The following PTPRR variants were observed in gnomAD, a reference collection of about 807,000 sequenced individuals.
The protein encoded by PTPRR is protein tyrosine phosphatase receptor type R, also known as receptor-type tyrosine-protein phosphatase R.
Under a neutral mutation model 77.2 loss-of-function variants are expected in PTPRR, and 38 were observed. The observed-to-expected ratio is 0.49, with a 90% CI of 0.38 to 0.65. The LOEUF is 0.65. Among genes scored for constraint, PTPRR ranks in the 30% least tolerant of loss-of-function variants. The pLI, the probability that PTPRR is intolerant of heterozygous loss-of-function variation, is 0.00. For synonymous variants in PTPRR, 299 were observed against 283.1 expected (o/e 1.06, Z -0.57); for missense variants, 744 against 799.2 (o/e 0.93, Z 0.83).
intron 2 of PTPRR, among the ~76,000 whole-genome samples, chr12:70,836,534 C>A (rs367628313): frequency 4.3e-4 from 65 of 152,088 alleles, no homozygotes; most frequent in African/African-American, 1.6e-3. Flanking sequence ...CATGATCAAC[C>A]ATACCCCATG....
chr12:70,778,087 T>A (rs894330696), intron 2 of PTPRR, among the ~76,000 whole-genome samples: 1 of 152,244 alleles, frequency 6.6e-6, no homozygotes, highest in Admixed American at 6.5e-5. Context: ...TTCTTTCAAG[T>A]GAGGCTCATG....
chr12:70,693,884 T>C (rs374504950), intron 8 of PTPRR, among the ~76,000 whole-genome samples: 1 of 152,166 alleles, frequency 6.6e-6, no homozygotes, highest in Non-Finnish European at 1.5e-5. Flanking sequence ...AATGGATTCA[T>C]CTTCAGTTAG....
intron 2 of PTPRR, among the ~76,000 whole-genome samples, chr12:70,765,701 C>T (rs1273373319): frequency 6.6e-6 from 1 of 152,232 alleles, no homozygotes; most frequent in Non-Finnish European, 1.5e-5. Context: ...AACGGGTAGA[C>T]TGCCTCCTCA....
chr12:70,847,010 T>C (rs1447986798), intron 2 of PTPRR, among the ~76,000 whole-genome samples: 1 of 152,088 alleles, frequency 6.6e-6, no homozygotes, highest in African/African-American at 2.4e-5. Context: ...TTTCCTGGGG[T>C]GTCCAGGCAC....
chr12:70,894,917 AC>A (rs1485670568), intron 1 of PTPRR, among the ~76,000 whole-genome samples: 1 of 151,790 alleles, frequency 6.6e-6, no homozygotes, highest in Non-Finnish European at 1.5e-5. Flanking sequence ...GGAACTGAAG[AC>A]ATGATGATTA....
At chr12:70,766,594 G>T (rs1890830020) in intron 2 of PTPRR, among the ~76,000 whole-genome samples, 1 of 151,762 alleles carries the variant, frequency 6.6e-6, no homozygotes, top group Non-Finnish European at 1.5e-5. Context: ...CACTCTGCAG[G>T]ATATTATCCA....
rs184080191 is a variant in PTPRR at position 70,712,796 on chromosome 12, G to A, written c.1008-11473C>T. On this transcript the variant is annotated intron_variant, in intron 6 of 13. Transcript: ENST00000283228. Reference sequence around the variant, plus strand: ...AAACAAAATGAAAAAATGCCCAGAAGCAATTCCCAACCAATTTTATATAAT... The same window carrying A: ...AAACAAAATGAAAAAATGCCCAGAAACAATTCCCAACCAATTTTATATAAT... 7.2e-5 allele frequency among the ~76,000 whole-genome samples: 11 copies of A among 151,966 alleles called. No individual in the cohort carries two copies. The East Asian group carries it at 2.1e-3, about 29-fold the overall frequency.
chr12:70,642,865 T>C (rs1366899328), intron 13 of PTPRR, among the ~76,000 whole-genome samples: 1 of 152,204 alleles, frequency 6.6e-6, no homozygotes, highest in Non-Finnish European at 1.5e-5. Context: ...TAGAATAGTC[T>C]ATTGGCTGGA....
intron 6 of PTPRR, among the ~76,000 whole-genome samples, chr12:70,730,941 AAGGAAAGAGAG>A (rs987224194): frequency 2.7e-5 from 4 of 148,458 alleles, no homozygotes; most frequent in Non-Finnish European, 4.5e-5. Context: ...AGACAGAAGG[AAGGAAAGAGAG>A]AGGAAAGAGA....
chr12:70,792,015 C>T (rs1044249270), intron 2 of PTPRR, among the ~76,000 whole-genome samples: 4 of 152,120 alleles, frequency 2.6e-5, no homozygotes, highest in Non-Finnish European at 5.9e-5. Context: ...ACATCATCTC[C>T]CATTAGGTAT....
chr12:70,807,613 C>T (rs1306765579), intron 2 of PTPRR, among the ~76,000 whole-genome samples: 3 of 152,164 alleles, frequency 2.0e-5, no homozygotes, highest in African/African-American at 4.8e-5. Context: ...GGCAGAAGAA[C>T]ATAAATTGTG....
intron 13 of PTPRR, among the ~76,000 whole-genome samples, chr12:70,644,309 C>T (rs1488594158): frequency 6.6e-6 from 1 of 152,150 alleles, no homozygotes; most frequent in Non-Finnish European, 1.5e-5. Flanking sequence ...AAAATACCTA[C>T]TGCTAAGCAG....
In PTPRR at chr12:70,770,409, A is replaced by T. The variant is rs1368835198; in HGVS notation, c.358-5631T>A. ...ATGCAGCCAAAAGACACATGAAAAAATGCTCACCATCACTGGCCATCAGAG... is the reference window on the plus strand; with the variant it reads ...ATGCAGCCAAAAGACACATGAAAAATTGCTCACCATCACTGGCCATCAGAG... On this transcript the variant is annotated intron_variant, in intron 2 of 13. Coordinates refer to ENST00000283228, the MANE Select transcript of PTPRR (RefSeq NM_002849.4). Among the ~76,000 whole-genome samples, 3 of 152,228 alleles carry T rather than the reference A, an allele frequency of 2.0e-5. No homozygotes were observed. The East Asian group carries it at 5.8e-4, about 29-fold the overall frequency.
At chr12:70,730,964 AG>A (rs1889633586) in intron 6 of PTPRR, among the ~76,000 whole-genome samples, 1 of 149,406 alleles carries the variant, frequency 6.7e-6, no homozygotes, top group Admixed American at 6.6e-5. Context: ...GGAAAGAGAG[AG>A]GAAGTGAGGA....
chr12:70,874,300 A>T (rs1003484217), intron 2 of PTPRR, among the ~76,000 whole-genome samples: 1 of 152,170 alleles, frequency 6.6e-6, no homozygotes, highest in Non-Finnish European at 1.5e-5. Context: ...AAATAAGTAG[A>T]GTGGTGGCAT....
At chr12:70,874,272 A>G (rs1280194900) in intron 2 of PTPRR, among the ~76,000 whole-genome samples, 1 of 152,198 alleles carries the variant, frequency 6.6e-6, no homozygotes, top group Non-Finnish European at 1.5e-5. Flanking sequence ...AAACTTTTCA[A>G]ACATATCAGA....
chr12:70,643,058 T>C (rs1033138827), intron 13 of PTPRR, among the ~76,000 whole-genome samples: 17 of 152,206 alleles, frequency 1.1e-4, no homozygotes, highest in African/African-American at 4.1e-4. Context: ...TGGTCCCAAC[T>C]ACACAGGAGG....
At chr12:70,715,916 G>A (rs1889010609) in intron 6 of PTPRR, among the ~76,000 whole-genome samples, 1 of 152,144 alleles carries the variant, frequency 6.6e-6, no homozygotes, top group Non-Finnish European at 1.5e-5. Context: ...AGTAAAGACA[G>A]GCATAGGAAA....
intron 2 of PTPRR, among the ~76,000 whole-genome samples, chr12:70,794,419 G>T (rs1283364581): frequency 6.6e-6 from 1 of 152,146 alleles, no homozygotes; most frequent in African/African-American, 2.4e-5. Context: ...ATGAGGGCTA[G>T]GTCTCAAAAG....
Sources: allele counts gnomAD v4.1 joint callset (sites outside exome capture counted in the v4.1 genomes callset), GRCh38; gene constraint gnomAD v4.1.1; transcripts MANE v1.5; gene names NCBI Gene and HGNC (gene_info 2026-07-23, HGNC 2026-07-21).